Variants in RNLS observed in about 807,000 individuals in gnomAD.
RNLS encodes renalase.
Under a neutral mutation model 39.8 loss-of-function variants are expected in RNLS, and 39 were observed. That is an observed-to-expected ratio of 0.98 (90% CI 0.76 to 1.28). RNLS has a LOEUF of 1.28. Among genes scored for constraint, RNLS ranks in the 50% most tolerant of loss-of-function variants. The pLI is 0.00. For missense variants in RNLS, 410 were observed against 413.3 expected, an observed-to-expected ratio of 0.99 and a Z score of 0.07; for synonymous variants, 147 against 150.7, an observed-to-expected ratio of 0.98 and a Z score of 0.18.
chr10:88,374,919 G>C (rs989231571), intron 4 of RNLS, among the ~76,000 whole-genome samples: 2 of 152,050 alleles, frequency 1.3e-5, no homozygotes, highest in Non-Finnish European at 2.9e-5. Flanking sequence ...GTTTACTCTT[G>C]CTACCTCCTA....
At chr10:88,575,335 C>T (rs1238796954) in intron 3 of RNLS, among the ~76,000 whole-genome samples, 1 of 150,532 alleles carries the variant, frequency 6.6e-6, no homozygotes, top group Non-Finnish European at 1.5e-5. Flanking sequence ...ACCAGCAGCA[C>T]CTATGTACTA....
the RNLS span, among the ~76,000 whole-genome samples, chr10:88,206,734 C>T: frequency 3.3e-5 from 5 of 152,192 alleles, no homozygotes; most frequent in African/African-American, 1.2e-4. Context: ...CAAGGAAGCC[C>T]AGACTCAGGA....
the RNLS span, among the ~76,000 whole-genome samples, chr10:88,245,444 A>G: frequency 1.3e-5 from 2 of 152,096 alleles, no homozygotes; most frequent in African/African-American, 4.8e-5. Flanking sequence ...TCCTAATTCA[A>G]CCTGAGGTAC....
At chr10:88,281,590 G>A (rs1190855145), downstream of RNLS, among the ~76,000 whole-genome samples, 1 of 152,112 alleles carries the variant, frequency 6.6e-6, no homozygotes, top group Non-Finnish European at 1.5e-5. Context: ...AAGAATTGGT[G>A]TAAAGAAACC....
At chr10:88,175,756 C>T in the RNLS span, among the ~76,000 whole-genome samples, 2 of 152,066 alleles carry the variant, frequency 1.3e-5, no homozygotes, top group African/African-American at 4.8e-5. Context: ...TCTGTTTGGT[C>T]CATTTGGTCT....
intron 4 of RNLS, among the ~76,000 whole-genome samples, chr10:88,397,989 T>A (rs147211203): frequency 6.6e-6 from 1 of 152,052 alleles, no homozygotes; most frequent in African/African-American, 2.4e-5. Context: ...GGGGAAATAA[T>A]GGTCTTTTTG....
At chr10:88,288,121 T>C (rs1171847706) in intron 6 of RNLS, among the ~76,000 whole-genome samples, 3 of 152,160 alleles carry the variant, frequency 2.0e-5, no homozygotes, top group African/African-American at 7.2e-5. Flanking sequence ...AATTCTAATA[T>C]GCATAAAATA....
chr10:88,257,467 T>C, the RNLS span, among the ~76,000 whole-genome samples: 1 of 151,868 alleles, frequency 6.6e-6, no homozygotes, highest in Non-Finnish European at 1.5e-5. Context: ...TCAGAGGAGG[T>C]TGATGGGCAG....
the RNLS span, among the ~76,000 whole-genome samples, chr10:88,182,845 A>T: frequency 1.3e-5 from 2 of 152,102 alleles, no homozygotes; most frequent in Non-Finnish European, 2.9e-5. Flanking sequence ...CTTAGAAACA[A>T]TACCATTAGC....
intron 4 of RNLS, among the ~76,000 whole-genome samples, chr10:88,448,268 G>C (rs1842160076): frequency 6.6e-6 from 1 of 152,124 alleles, no homozygotes; most frequent in African/African-American, 2.4e-5. Flanking sequence ...ATCTGACAAA[G>C]GACTAATATC....
chr10:88,364,709 TA>T (rs1204750598), intron 4 of RNLS, among the ~76,000 whole-genome samples: 2 of 152,160 alleles, frequency 1.3e-5, no homozygotes, highest in Admixed American at 1.3e-4. Flanking sequence ...TCTGCCTTAT[TA>T]AAAGCTGTAA....
intron 4 of RNLS, among the ~76,000 whole-genome samples, chr10:88,527,242 A>G (rs1847160332): frequency 6.6e-6 from 1 of 152,156 alleles, no homozygotes; most frequent in Non-Finnish European, 1.5e-5. Context: ...TCCCTACACC[A>G]GCAACCTTCC....
At chr10:88,467,991 A>T (rs1329863195) in intron 4 of RNLS, among the ~76,000 whole-genome samples, 1 of 152,234 alleles carries the variant, frequency 6.6e-6, no homozygotes, top group Non-Finnish European at 1.5e-5. Flanking sequence ...GCAGTCTTGC[A>T]AGAATTCCAA....
At chr10:88,215,714 T>TC in the RNLS span, among the ~76,000 whole-genome samples, 7 of 147,288 alleles carry the variant, frequency 4.8e-5, no homozygotes, top group East Asian at 2.1e-4. Flanking sequence ...TTTTTTTTTT[T>TC]CCGAGATGGA....
intron 4 of RNLS, among the ~76,000 whole-genome samples, chr10:88,459,707 C>T (rs573460752): frequency 2.6e-5 from 4 of 152,256 alleles, no homozygotes; most frequent in African/African-American, 7.2e-5. Context: ...TCACTGGCGA[C>T]GGACAATGTG....
At chr10:88,316,244 C>T (rs1845761788) in intron 5 of RNLS, among the ~76,000 whole-genome samples, 2 of 152,102 alleles carry the variant, frequency 1.3e-5, no homozygotes, top group African/African-American at 2.4e-5. Flanking sequence ...AATAGAGGGG[C>T]CATCTCTTTG....
chr10:88,538,420 AAAGAC>A (rs1283210684), intron 4 of RNLS, among the ~76,000 whole-genome samples: 6 of 152,172 alleles, frequency 3.9e-5, no homozygotes, highest in Non-Finnish European at 7.4e-5. Context: ...AACCCTTAGA[AAAGAC>A]ATTTCTGCCA....
chr10:88,284,055 T>C, downstream of RNLS: 1 of 787,410 alleles, frequency 1.3e-6, no homozygotes, highest in Middle Eastern at 6.6e-4. Flanking sequence ...ACTACAAATT[T>C]CCTTCTTCCT....
At chr10:88,445,057 G>A (rs1394652044) in intron 4 of RNLS, among the ~76,000 whole-genome samples, 1 of 152,104 alleles carries the variant, frequency 6.6e-6, no homozygotes, top group East Asian at 1.9e-4. Flanking sequence ...AATGTTAAGG[G>A]CAGCCACAGA....
Sources: allele counts gnomAD v4.1 joint callset (sites outside exome capture counted in the v4.1 genomes callset), GRCh38; gene constraint gnomAD v4.1.1; transcripts MANE v1.5; gene names NCBI Gene and HGNC (gene_info 2026-07-23, HGNC 2026-07-21).